Variants in CFAP97D1 observed in about 807,000 individuals in gnomAD.
CFAP97D1 encodes the protein CFAP97 domain containing 1.
In CFAP97D1, 15 loss-of-function variants were observed where a neutral mutation model predicts 20.5. The observed-to-expected ratio is 0.73, with a 90% CI of 0.49 to 1.13. The LOEUF is 1.13. Among genes scored for constraint, CFAP97D1 ranks in the 50% most tolerant of loss-of-function variants. CFAP97D1 has a pLI of 0.00. For missense variants in CFAP97D1, 168 were observed against 202.9 expected, an observed-to-expected ratio of 0.83 and a Z score of 1.04; for synonymous variants, 58 against 71.2, an observed-to-expected ratio of 0.82 and a Z score of 0.93.
At chr17:43,783,627 A>G (rs1209180411) in intron 4 of CFAP97D1, among the ~76,000 whole-genome samples, 1 of 151,698 alleles carries the variant, frequency 6.6e-6, no homozygotes, top group Non-Finnish European at 1.5e-5. Context: ...GATGAAGGGT[A>G]TAAGATTCAG....
chr17:43,783,834 A>C lies in CFAP97D1; in HGVS notation c.439-3A>C. Reference sequence around the variant, plus strand: ...TGACATAAACCAATTTTTTTCCTTCAAGAATTCAAGGCGCTATATCAGAAA... The same window carrying C: ...TGACATAAACCAATTTTTTTCCTTCCAGAATTCAAGGCGCTATATCAGAAA... On this transcript the variant is annotated splice_region_variant and splice_polypyrimidine_tract_variant and intron_variant, in intron 4 of 5. Coordinates refer to ENST00000449302, the MANE Select transcript of CFAP97D1 (RefSeq NM_001136483.3). The C allele has an allele frequency of 6.5e-7, 1 of 1,549,486 alleles. No homozygotes were observed. Among genetic ancestry groups the C allele is most frequent in the Non-Finnish European group, 8.7e-7 (1 of 1,146,298 alleles).
chr17:43,780,799 C>T (rs760601570), intron 1 of CFAP97D1, among the ~76,000 whole-genome samples: 7 of 151,988 alleles, frequency 4.6e-5, no homozygotes, highest in Non-Finnish European at 7.4e-5. Context: ...TCCTTAAAGC[C>T]GAAGTACGTT....
At chr17:43,783,350 C>T (rs918161463) in intron 4 of CFAP97D1, 47 bp downstream of exon 4, 6 of 1,549,048 alleles carry the variant, frequency 3.9e-6, no homozygotes, top group Non-Finnish European at 4.4e-6. Context: ...CAGAGTTTGT[C>T]GGTGTTCAGC....
In CFAP97D1 at chr17:43,786,833, A is replaced by T. The variant is rs767906674; in HGVS notation, c.*2451A>T. The T allele has an allele frequency of 2.0e-5, 3 of 152,124 alleles. No homozygotes were observed. The highest frequency in any genetic ancestry group is 4.8e-5 in the African/African-American group (2 of 41,416). 9.4% of individuals were successfully genotyped at this position (152,124 alleles called of 1,614,324 possible). ...TTTTTCACTCAGGATAATTTCCTTG[A>T]TGTTCATCCAAGTTGTGTGTGCCTT... On this transcript the variant is annotated 3_prime_UTR_variant, in exon 6 of 6. Coordinates refer to ENST00000449302, the MANE Select transcript of CFAP97D1 (RefSeq NM_001136483.3).
rs1228513587 is a variant in CFAP97D1 at position 43,784,488 on chromosome 17, A to G, written c.*106A>G. The stretch of plus-strand genomic sequence containing the variant: ...TGAATGCTCCATCTTCAGATGCTTC[A>G]ATAAAGCTTGGAACATAAAATGCGT... On this transcript the variant is annotated 3_prime_UTR_variant, in exon 6 of 6. Coordinates refer to ENST00000449302, the MANE Select transcript of CFAP97D1 (RefSeq NM_001136483.3). 1 of 152,280 alleles carries G rather than the reference A, an allele frequency of 6.6e-6. No individual in the cohort carries two copies. The allele number at this position is 152,280 out of a possible 1,614,324, so 9.4% of individuals were successfully genotyped here.
intron 5 of CFAP97D1, 131 bp from the exon 6 acceptor site, chr17:43,784,252 T>G (rs1049588677): frequency 5.3e-6 from 1 of 189,930 alleles, no homozygotes; most frequent in Non-Finnish European, 1.1e-5. Flanking sequence ...TTTTGTATTA[T>G]TTAACATTAT....
In CFAP97D1 at chr17:43,786,312, C is replaced by T. The variant is rs2044292360; in HGVS notation, c.*1930C>T. 1 of 152,192 alleles carries T rather than the reference C, an allele frequency of 6.6e-6. No individual in the cohort carries two copies. The highest frequency in any genetic ancestry group is 2.1e-4 in the South Asian group (1 of 4,832). 9.4% of individuals were successfully genotyped at this position (152,192 alleles called of 1,614,324 possible). On this transcript the variant is annotated 3_prime_UTR_variant, in exon 6 of 6. Coordinates refer to ENST00000449302, the MANE Select transcript of CFAP97D1 (RefSeq NM_001136483.3). ...GACACACCCAAAAATAATGCTTTAC[C>T]AGGTTTCTATTCAGTCAAGTTGGCA...
rs780138428 is a variant in CFAP97D1 at position 43,787,555 on chromosome 17, T to C, written c.*3173T>C. 1 of 152,162 alleles carries C rather than the reference T, an allele frequency of 6.6e-6. No individual in the cohort carries two copies. Among genetic ancestry groups the C allele is most frequent in the African/African-American group, 2.4e-5 (1 of 41,420 alleles). The allele number at this position is 152,162 out of a possible 1,614,324, so 9.4% of individuals were successfully genotyped here. Reference sequence around the variant, plus strand: ...AATCTGGTAAGGAGTTTACAGGATCTCTCTGTATTATTTCCTACATGCATG... The same window carrying C: ...AATCTGGTAAGGAGTTTACAGGATCCCTCTGTATTATTTCCTACATGCATG... On this transcript the variant is annotated 3_prime_UTR_variant, in exon 6 of 6. Transcript: ENST00000449302.
chr17:43,781,763 T>C lies in CFAP97D1; in HGVS notation c.196-11T>C. 1 of 1,522,912 alleles carries C rather than the reference T, an allele frequency of 6.6e-7. No individual in the cohort carries two copies. The highest frequency in any genetic ancestry group is 8.9e-7 in the Non-Finnish European group (1 of 1,120,798). The allele number at this position is 1,522,912 out of a possible 1,614,324, so 94.3% of individuals were successfully genotyped here. A position where few individuals can be genotyped will look rare whatever the true frequency, so the allele number is the denominator to read the frequency against. On this transcript the variant is annotated splice_polypyrimidine_tract_variant and intron_variant, in intron 2 of 5. Transcript: ENST00000449302. ...ATGGTGTCACCATGGTGAGGTGTGG[T>C]TTCTTACCAGGGTGAACAAAAGAAA...
rs891986709 is a variant in CFAP97D1, at chr17:43,785,301, G to T, written c.*919G>T. Reference sequence around the variant, plus strand: ...TGAAGCAGCAGTGTTACAGCTCCATGACTGCTCCTGCAGTACAGGGCTACC... The same window carrying T: ...TGAAGCAGCAGTGTTACAGCTCCATTACTGCTCCTGCAGTACAGGGCTACC... On this transcript the variant is annotated 3_prime_UTR_variant, in exon 6 of 6. Transcript: ENST00000449302. The T allele has an allele frequency of 5.9e-5, 9 of 152,236 alleles. No homozygotes were observed. The highest frequency in any genetic ancestry group is 2.2e-4 in the African/African-American group (9 of 41,452). 9.4% of individuals were successfully genotyped at this position (152,236 alleles called of 1,614,324 possible).
Position 43,780,545 on chromosome 17 carries a change from A to T in CFAP97D1, c.83A>T (p.Asp28Val), listed in dbSNP as rs1354009770. The T allele has an allele frequency of 1.3e-6, 2 of 1,551,694 alleles. No individual in the cohort carries two copies. The highest frequency in any genetic ancestry group is 8.7e-7 in the Non-Finnish European group (1 of 1,146,962). ...AGCACAACCTTCAGAAAGAAACTGG[A>T]CTTTGGCCACTACGTATCTCACAAG... Reference protein sequence around the residue: ...RQSTTFRKKLDFGHYVSHKNR... With the variant: ...RQSTTFRKKLVFGHYVSHKNR... Residue 28 changes from aspartate (D) to valine (V), a missense_variant, in exon 1 of 6, where the codon GAC (aspartate) becomes GTC (valine). Coordinates refer to ENST00000449302, the MANE Select transcript of CFAP97D1 (RefSeq NM_001136483.3).
rs1310914170 is a variant in CFAP97D1, at chr17:43,783,800, C to T, written c.439-37C>T. On this transcript the variant is annotated intron_variant, in intron 4 of 5. Coordinates refer to ENST00000449302, the MANE Select transcript of CFAP97D1 (RefSeq NM_001136483.3). ...TAGAACTTCAGTAATAGCACCAATGCCCTGGCATTGACATAAACCAATTTT... is the reference window on the plus strand; with the variant it reads ...TAGAACTTCAGTAATAGCACCAATGTCCTGGCATTGACATAAACCAATTTT... 16 of 1,458,654 alleles carry T rather than the reference C, an allele frequency of 1.1e-5. No homozygotes were observed. The Admixed American group carries it at 1.2e-4, about 11-fold the overall frequency. 90.4% of individuals were successfully genotyped at this position (1,458,654 alleles called of 1,614,324 possible).
At chr17:43,781,346 T>C (rs1176948070) in intron 2 of CFAP97D1, among the ~76,000 whole-genome samples, 157 bp downstream of exon 2, 1 of 148,002 alleles carries the variant, frequency 6.8e-6, no homozygotes, top group African/African-American at 2.6e-5. Flanking sequence ...AGTCGTTTTT[T>C]TCCCCCCTGA....
At chr17:43,783,342 G>C (rs992197894) in intron 4 of CFAP97D1, 39 bp downstream of exon 4, 9 of 1,550,096 alleles carry the variant, frequency 5.8e-6, no homozygotes, top group Admixed American at 3.9e-5. Context: ...GACACACACA[G>C]AGTTTGTCGG....
rs549994863 is a variant in CFAP97D1 at position 43,782,986 on chromosome 17, C to A, written c.315-194C>A. The stretch of plus-strand genomic sequence containing the variant: ...CAGGGTTGAGGACCACTGATATAAA[C>A]CTGCGAATGCGGTGCATGTTTCCCG... On this transcript the variant is annotated intron_variant, in intron 3 of 5. Coordinates refer to ENST00000449302, the MANE Select transcript of CFAP97D1 (RefSeq NM_001136483.3). 4.9e-6 allele frequency: 3 copies of A among 614,922 alleles called. No individual in the cohort carries two copies. In the South Asian group the frequency reaches 6.0e-5, roughly 12 times the overall value. The allele number at this position is 614,922 out of a possible 1,614,324, so 38.1% of individuals were successfully genotyped here.
At chr17:43,780,695 C>A in intron 1 of CFAP97D1, 109 bp downstream of exon 1, 1 of 1,246,266 alleles carries the variant, frequency 8.0e-7, no homozygotes, top group Non-Finnish European at 1.1e-6. Flanking sequence ...ATGATATGGC[C>A]TTATCTGCTG....
At chr17:43,782,974 C>T (rs1974489679) in intron 3 of CFAP97D1, 1 of 588,012 alleles carries the variant, frequency 1.7e-6, no homozygotes, top group East Asian at 2.9e-5. Flanking sequence ...GGTTGAGGAC[C>T]ACTGATATAA....
intron 2 of CFAP97D1, among the ~76,000 whole-genome samples, 158 bp from the exon 3 acceptor site, chr17:43,781,616 T>C (rs57227660): frequency 0.34 from 51,815 of 151,964 alleles, 9,861 homozygotes; most frequent in African/African-American, 0.51. Context: ...TGAGCCACCG[T>C]GCCCGGCCGC....
In CFAP97D1 at chr17:43,783,190, GA is replaced by G. The variant is rs1241590898; in HGVS notation, c.328del (p.Thr110GlnfsTer6). On this transcript the variant is annotated frameshift_variant, in exon 4 of 6. Transcript: ENST00000449302. LOFTEE classifies it high-confidence loss of function. Reference sequence around the variant, plus strand: ...TTTTGTGTTTTTCAGCTTAAACAGAGAAACAAGGAACCGCGAGCTAGTGAGA... The same window carrying G: ...TTTTGTGTTTTTCAGCTTAAACAGAGAACAAGGAACCGCGAGCTAGTGAGA... ...NEYFSKSLNR[E>X]TRNRELVRIT... 1 of 1,551,554 alleles carries G rather than the reference GA, an allele frequency of 6.4e-7. No homozygotes were observed. The highest frequency in any genetic ancestry group is 8.7e-7 in the Non-Finnish European group (1 of 1,146,904).
Sources: gnomAD v4.1 joint callset for allele counts (sites outside exome capture counted in the v4.1 genomes callset) on GRCh38, gnomAD v4.1.1 for gene constraint, MANE v1.5 for transcripts, NCBI Gene and HGNC (gene_info 2026-07-23, HGNC 2026-07-21) for gene names.